The following RTP4 variants were observed in gnomAD, a reference collection of about 807,000 sequenced individuals.
RTP4 encodes receptor-transporting protein 4.
RTP4 carries 5 observed loss-of-function variants against 6.5 expected under a neutral mutation model. The ratio of observed to expected loss-of-function variants is 0.77; its 90% CI spans 0.40 to 1.62. The LOEUF is 1.62. Among genes scored for constraint, RTP4 ranks in the 40% most tolerant of loss-of-function variants. The pLI is 0.02. For synonymous variants in RTP4, 112 were observed against 114.8 expected (o/e 0.98, Z 0.15); for missense variants, 266 against 288.7 (o/e 0.92, Z 0.57).
intron 1 of RTP4, 110 bp downstream of exon 1, chr3:187,368,706 C>T (rs1034046661): frequency 1.1e-5 from 11 of 1,024,992 alleles, no homozygotes; most frequent in Non-Finnish European, 1.5e-5. Context: ...GTCACCAGGG[C>T]CTCCATCCTA....
intron 1 of RTP4, among the ~76,000 whole-genome samples, chr3:187,369,355 A>G (rs1711559823): frequency 6.6e-6 from 1 of 152,112 alleles, no homozygotes; most frequent in African/African-American, 2.4e-5. Context: ...ATCCTGCCTC[A>G]GGTATGGCCT....
At position 187,371,275 on chromosome 3, in the gene RTP4, G is replaced by A. The variant is rs138126640; in HGVS notation, c.643G>A (p.Glu215Lys). The A allele has an allele frequency of 3.7e-6, 6 of 1,610,084 alleles. No homozygotes were observed. Among genetic ancestry groups the A allele is most frequent in the African/African-American group, 2.7e-5 (2 of 74,916 alleles). The stretch of plus-strand genomic sequence containing the variant: ...AAAAGAGGCTAAGGGGAGTGGGTAT[G>A]AGAAATTAGGGCCCAGTCGAGACCC... ...EAKEAKGSGY[E>K]KLGPSRDPDP... Residue 215 changes from glutamate to lysine, a missense_variant, in exon 2 of 2, where the codon GAG becomes AAG. Glu to Lys is a moderately conservative substitution (Grantham distance 56). Transcript: ENST00000259030.
intron 1 of RTP4, 33 bp from the exon 2 acceptor site, chr3:187,370,755 A>C: frequency 6.5e-7 from 1 of 1,532,046 alleles, no homozygotes; most frequent in Non-Finnish European, 9.0e-7. Flanking sequence ...CAACCAGATG[A>C]AGGCATAATG....
chr3:187,369,328 G>A (rs1711559474), intron 1 of RTP4, among the ~76,000 whole-genome samples: 1 of 152,092 alleles, frequency 6.6e-6, no homozygotes, highest in Admixed American at 6.5e-5. Flanking sequence ...CTATTACTCA[G>A]CTTGCCTGCC....
chr3:187,371,533 A>C lies in RTP4; in HGVS notation c.*160A>C, dbSNP rs1599829. The C allele has an allele frequency of 9.6e-3, 5,814 of 604,772 alleles. 59 individuals are homozygous for C. Among genetic ancestry groups the C allele is most frequent in the South Asian group, 0.03 (1,405 of 47,614 alleles). The allele number at this position is 604,772 out of a possible 1,614,324, so 37.5% of individuals were successfully genotyped here. ...CCATCCTCTGAAAACAGTATGAAAC[A>C]TGACCAAGTACATAATGGATTTAGT... On this transcript the variant is annotated 3_prime_UTR_variant, in exon 2 of 2. Coordinates refer to ENST00000259030, the MANE Select transcript of RTP4 (RefSeq NM_022147.3).
At position 187,368,501 on chromosome 3, in the gene RTP4, AC is replaced by A. The variant is rs772579475; in HGVS notation, c.64del (p.Arg22GlyfsTer6). ...TFQELIQEAKPRATWTLKLDG... is the reference protein window; with the variant it reads ...TFQELIQEAKXRATWTLKLDG... ...TTCAAGAACTAATCCAAGAGGCAAA[AC>A]CCCGGGCCACATGGACGCTGAAGTT... On this transcript the variant is annotated frameshift_variant, in exon 1 of 2. Coordinates refer to ENST00000259030, the MANE Select transcript of RTP4 (RefSeq NM_022147.3). LOFTEE classifies it high-confidence loss of function. The A allele has an allele frequency of 6.2e-7, 1 of 1,613,830 alleles. No homozygotes were observed. Among genetic ancestry groups the A allele is most frequent in the Non-Finnish European group, 8.5e-7 (1 of 1,179,902 alleles).
In RTP4 at chr3:187,370,793, G is replaced by A. The variant is rs1481100317; in HGVS notation, c.161G>A (p.Arg54Gln). 1.3e-5 allele frequency: 21 copies of A among 1,611,388 alleles called. No homozygotes were observed. The highest frequency in any genetic ancestry group is 4.0e-5 in the African/African-American group (3 of 74,856). ...QYQQRAFGWFRCSSCQRSWAS... is the reference protein window; with the variant it reads ...QYQQRAFGWFQCSSCQRSWAS... ...TGTCTTCCTTCTGACTGCAGGTTCC[G>A]GTGTTCCTCCTGCCAGCGAAGTTGG... Residue 54 changes from arginine to glutamine, a missense_variant, in exon 2 of 2, where the codon CGG (arginine) becomes CAG (glutamine). Coordinates refer to ENST00000259030, the MANE Select transcript of RTP4 (RefSeq NM_022147.3).
rs1363312896 is a variant in RTP4, at chr3:187,368,560, A to G, written c.119A>G (p.Gln40Arg). The G allele has an allele frequency of 6.2e-7, 1 of 1,614,086 alleles. No homozygotes were observed. Among genetic ancestry groups the G allele is most frequent in the South Asian group, 1.1e-5 (1 of 91,072 alleles). Residue 40 changes from glutamine to arginine, a missense_variant, in exon 1 of 2, where the codon CAA (glutamine) becomes CGA (arginine). By Grantham distance (43) the Gln-to-Arg change is conservative (BLOSUM62 1). Transcript: ENST00000259030. ...AACCTTCAGCTAGACTGCCTGGCTC[A>G]AGGGTGGAAGCAATACCAACAGAGA... is the stretch of plus-strand genomic sequence containing the variant. ...DGNLQLDCLA[Q>R]GWKQYQQRAF...
chr3:187,370,975 C>T lies in RTP4; in HGVS notation c.343C>T (p.Leu115=), dbSNP rs753864095. The T allele has an allele frequency of 4.8e-5, 78 of 1,614,198 alleles. No individual in the cohort carries two copies. The highest frequency in any genetic ancestry group is 6.6e-5 in the Non-Finnish European group (78 of 1,180,042). Residue 115 remains leucine (L), a synonymous_variant, in exon 2 of 2, where the codon CTG becomes TTG. Coordinates refer to ENST00000259030, the MANE Select transcript of RTP4 (RefSeq NM_022147.3). The stretch of plus-strand genomic sequence containing the variant: ...CTCCTCGGATAGCACCATGAGGATT[C>T]TGAGCAACCTGGTGCAGCATATACT... ...EFSSDSTMRI[L]SNLVQHILKK... is the part of the protein sequence containing the mutation.
chr3:187,371,326 A>T lies in RTP4; in HGVS notation c.694A>T (p.Ile232Phe). 1 of 1,601,622 alleles carries T rather than the reference A, an allele frequency of 6.2e-7. No individual in the cohort carries two copies. Among genetic ancestry groups the T allele is most frequent in the Non-Finnish European group, 8.5e-7 (1 of 1,179,898 alleles). ...AGATCCACTGAACATCTGTGTCTTTATTTTGCTGCTTGTATTTATTGTAGT... is the reference window on the plus strand; with the variant it reads ...AGATCCACTGAACATCTGTGTCTTTTTTTTGCTGCTTGTATTTATTGTAGT... ...DPDPLNICVF[I>F]LLLVFIVVKC... is the part of the protein sequence containing the mutation. The change falls in exon 2 of 2, where the codon ATT (isoleucine) becomes TTT (phenylalanine). Residue 232 changes from isoleucine to phenylalanine, a missense_variant. Coordinates refer to ENST00000259030, the MANE Select transcript of RTP4 (RefSeq NM_022147.3).
Position 187,371,170 on chromosome 3 carries a change from C to A in RTP4, c.538C>A (p.His180Asn). 1 of 1,614,140 alleles carries A rather than the reference C, an allele frequency of 6.2e-7. No homozygotes were observed. The highest frequency in any genetic ancestry group is 8.5e-7 in the Non-Finnish European group (1 of 1,180,038). ...AAAGCCGTCCAAATCCCTACTCCCCCACCTAAAGACTGGGAATTCCTCACC... is the reference window on the plus strand; with the variant it reads ...AAAGCCGTCCAAATCCCTACTCCCCAACCTAAAGACTGGGAATTCCTCACC... ...MTKPSKSLLP[H>N]LKTGNSSPGI... is the part of the protein sequence containing the mutation. The change falls in exon 2 of 2, where the codon CAC (histidine) becomes AAC (asparagine). Residue 180 changes from histidine (H) to asparagine (N), a missense_variant. His to Asn is a moderately conservative substitution (Grantham distance 68). Transcript: ENST00000259030.
At chr3:187,369,922 A>G (rs1394825209) in intron 1 of RTP4, among the ~76,000 whole-genome samples, 1 of 152,230 alleles carries the variant, frequency 6.6e-6, no homozygotes, top group East Asian at 1.9e-4. Context: ...CCAAACAGAA[A>G]GAAGGTGTTT....
chr3:187,371,458 T>C lies in RTP4; in HGVS notation c.*85T>C. ...CCACTTTAATATAACTGAAAATTCA[T>C]TTTGAGACCAAGCAGGATCAAGTTT... On this transcript the variant is annotated 3_prime_UTR_variant, in exon 2 of 2. Coordinates refer to ENST00000259030, the MANE Select transcript of RTP4 (RefSeq NM_022147.3). 1 of 966,736 alleles carries C rather than the reference T, an allele frequency of 1.0e-6. No individual in the cohort carries two copies. Among genetic ancestry groups the C allele is most frequent in the East Asian group, 2.6e-5 (1 of 38,290 alleles). 59.9% of individuals were successfully genotyped at this position (966,736 alleles called of 1,614,324 possible). A position where few individuals can be genotyped will look rare whatever the true frequency, so the allele number is the denominator to read the frequency against.
In RTP4 at chr3:187,368,651, G is replaced by GC. The variant is rs1560063341; in HGVS notation, c.155+56dup. 4 of 1,502,960 alleles carry GC rather than the reference G, an allele frequency of 2.7e-6. No individual in the cohort carries two copies. In the East Asian group the frequency reaches 9.3e-5, roughly 35 times the overall value. The allele number at this position is 1,502,960 out of a possible 1,614,324, so 93.1% of individuals were successfully genotyped here. A position where few individuals can be genotyped will look rare whatever the true frequency, so the allele number is the denominator to read the frequency against. On this transcript the variant is annotated intron_variant, in intron 1 of 1. Coordinates refer to ENST00000259030, the MANE Select transcript of RTP4 (RefSeq NM_022147.3). ...TTCTGAGAAGAGAGGCTCAGGCTCA[G>GC]CTTAGCATGATTTATTCCTCTGAGA...
At position 187,371,115 on chromosome 3, in the gene RTP4, C is replaced by A. The variant is rs1533595; in HGVS notation, c.483C>A (p.Ile161=). The change falls in exon 2 of 2, where the codon ATC becomes ATA. Residue 161 remains isoleucine (I), a synonymous_variant. Transcript: ENST00000259030. ...TANCEACTLG[I]CGQGLKSCMT... is the part of the protein sequence containing the mutation. Reference sequence around the variant, plus strand: ...ATTGTGAGGCATGCACTTTGGGCATCTGTGGACAGGGCTTAAAAAGCTGCA... The same window carrying A: ...ATTGTGAGGCATGCACTTTGGGCATATGTGGACAGGGCTTAAAAAGCTGCA... 585,342 of 1,613,760 alleles carry A rather than the reference C, an allele frequency of 0.36. 111,202 individuals are homozygous for A. The highest frequency in any genetic ancestry group is 0.66 in the East Asian group (29,717 of 44,868).
At chr3:187,369,843 A>G (rs1432056350) in intron 1 of RTP4, among the ~76,000 whole-genome samples, 7 of 152,108 alleles carry the variant, frequency 4.6e-5, no homozygotes, top group Admixed American at 4.6e-4. Context: ...AAATGTGTAA[A>G]TATTTCTGTC....
In RTP4 at chr3:187,371,953, A is replaced by G. The variant is rs1248224744; in HGVS notation, c.*580A>G. 6.5e-6 allele frequency: 1 copy of G among 153,628 alleles called. No homozygotes were observed. Among genetic ancestry groups the G allele is most frequent in the Non-Finnish European group, 1.4e-5 (1 of 69,074 alleles). 9.5% of individuals were successfully genotyped at this position (153,628 alleles called of 1,614,324 possible). On this transcript the variant is annotated 3_prime_UTR_variant, in exon 2 of 2. Coordinates refer to ENST00000259030, the MANE Select transcript of RTP4 (RefSeq NM_022147.3). The stretch of plus-strand genomic sequence containing the variant: ...GAAACCCAAAAGGACAAAGGAACAG[A>G]TTCTCCCCTGGAGTCTGCAGAAGGA...
intron 1 of RTP4, 78 bp from the exon 2 acceptor site, chr3:187,370,710 G>A (rs1560063813): frequency 1.0e-6 from 1 of 961,158 alleles, no homozygotes; most frequent in Non-Finnish European, 1.6e-6. Flanking sequence ...AAGGATGTTA[G>A]TGACAGGGGC....
At chr3:187,369,339 T>G (rs943493074) in intron 1 of RTP4, among the ~76,000 whole-genome samples, 1 of 152,174 alleles carries the variant, frequency 6.6e-6, no homozygotes, top group Non-Finnish European at 1.5e-5. Context: ...CTTGCCTGCC[T>G]GCCCCATCCT....
Sources: gnomAD v4.1 joint callset for allele counts (sites outside exome capture counted in the v4.1 genomes callset) on GRCh38, gnomAD v4.1.1 for gene constraint, MANE v1.5 for transcripts, NCBI Gene and HGNC (gene_info 2026-07-23, HGNC 2026-07-21) for gene names.